The following DMD variants were observed in gnomAD, a reference collection of about 807,000 sequenced individuals.
DMD encodes dystrophin.
A neutral mutation model predicts 330.1 loss-of-function variants in DMD; 63 were observed. The ratio of observed to expected loss-of-function variants is 0.19; its 90% CI spans 0.16 to 0.24. The LOEUF (loss-of-function observed/expected upper bound fraction) is 0.24. Ranked by LOEUF, DMD falls within the 10% of genes least tolerant of loss-of-function variation. The pLI, the probability that DMD is intolerant of heterozygous loss-of-function variation, is 1.00. For missense variants in DMD, 3,344 were observed against 2,684.1 expected (o/e 1.25, Z -5.43); for synonymous variants, 1,223 against 959.8 (o/e 1.27, Z -5.07).
At chrX:31,687,936 G>A (rs957834496) in intron 52 of DMD, among the ~76,000 whole-genome samples, 3 of 110,886 alleles carry the variant, frequency 2.7e-5, no homozygotes, top group Non-Finnish European at 5.7e-5. Flanking sequence ...CTCTGTTTCT[G>A]AAGTTCTCTG....
intron 44 of DMD, among the ~76,000 whole-genome samples, chrX:31,989,179 C>T (rs1026107760): frequency 3.6e-5 from 4 of 111,648 alleles, no homozygotes; most frequent in African/African-American, 1.3e-4. Flanking sequence ...ATCGGCTTTG[C>T]TCCCTCTACT....
At chrX:32,024,920 G>A (rs2095836379) in intron 44 of DMD, among the ~76,000 whole-genome samples, 1 of 111,785 alleles carries the variant, frequency 8.9e-6, no homozygotes, top group South Asian at 3.7e-4. Context: ...AAGAACAGTT[G>A]CTTTCAAATA....
At chrX:32,324,172 T>A (rs1234445715) in intron 41 of DMD, among the ~76,000 whole-genome samples, 2 of 111,619 alleles carry the variant, frequency 1.8e-5, no homozygotes, top group Non-Finnish European at 3.8e-5. Context: ...ATATAAATGA[T>A]AAATACTTGA....
intron 2 of DMD, among the ~76,000 whole-genome samples, chrX:32,897,969 C>T (rs1358936664): frequency 8.9e-6 from 1 of 112,219 alleles, no homozygotes; most frequent in Non-Finnish European, 1.9e-5. Context: ...GTAGAATTAT[C>T]ATTTTATTTT....
At chrX:33,010,328 G>A (rs1459720824) in intron 2 of DMD, among the ~76,000 whole-genome samples, 1 of 104,347 alleles carries the variant, frequency 9.6e-6, no homozygotes, top group Non-Finnish European at 1.9e-5. Context: ...GTATAAATAT[G>A]TATATATGTA....
At chrX:32,433,400 G>A (rs1469810038) in intron 29 of DMD, among the ~76,000 whole-genome samples, 5 of 111,713 alleles carry the variant, frequency 4.5e-5, no homozygotes, top group South Asian at 3.7e-4. Context: ...TATATCGGCC[G>A]GATGCGGTGG....
In DMD at chrX:33,317,057, C is replaced by A. The variant is rs191210076; in HGVS notation, c.7+22202G>T. Reference sequence around the variant, plus strand: ...GAAATTTTAAGAATATCTAAAATTTCAAACGCCAAGTTCCTTCTAGCAATA... The same window carrying A: ...GAAATTTTAAGAATATCTAAAATTTAAAACGCCAAGTTCCTTCTAGCAATA... On this transcript the variant is annotated intron_variant, in intron 1 of 17. Coordinates refer to the DMD transcript ENST00000288447. Among the ~76,000 whole-genome samples, 916 of 110,135 alleles carry A rather than the reference C, an allele frequency of 8.3e-3. 7 individuals are homozygous for A. The highest frequency in any genetic ancestry group is 0.013 in the Non-Finnish European group (679 of 52,661).
chrX:33,146,061 T>A (rs115039635), intron 1 of DMD, among the ~76,000 whole-genome samples: 7,679 of 109,287 alleles, frequency 0.07, 295 homozygotes, highest in South Asian at 0.19. Context: ...TCATTTTTTT[T>A]AAATATATAT....
intron 50 of DMD, among the ~76,000 whole-genome samples, chrX:31,803,969 GA>G (rs1267224646): frequency 2.7e-5 from 3 of 110,948 alleles, no homozygotes; most frequent in Non-Finnish European, 5.7e-5. Context: ...AAAGTGTTGG[GA>G]TTACAGGCGT....
rs181471478 is a variant in DMD, at chrX:32,503,639, T to G, written c.2293-1797A>C. On this transcript the variant is annotated intron_variant, in intron 18 of 78. Coordinates refer to ENST00000357033, the MANE Select transcript of DMD (RefSeq NM_004006.3). ...GGCATGATCTCAGCTCACTGCAACC[T>G]CTGCCTCCCGGGTTCAAGCAACTCT... 6.0e-3 allele frequency among the ~76,000 whole-genome samples: 665 copies of G among 111,201 alleles called. 7 individuals carry two copies. The highest frequency in any genetic ancestry group is 0.021 in the African/African-American group (642 of 30,562).
At chrX:33,313,847 T>C (rs2053886447) in intron 1 of DMD, among the ~76,000 whole-genome samples, 1 of 111,492 alleles carries the variant, frequency 9.0e-6, no homozygotes, top group African/African-American at 3.3e-5. Context: ...TTCATCAATA[T>C]AATCAAACAC....
At chrX:32,519,541 G>T (rs1443757422) in intron 17 of DMD, among the ~76,000 whole-genome samples, 3 of 110,971 alleles carry the variant, frequency 2.7e-5, no homozygotes, top group Non-Finnish European at 5.7e-5. Flanking sequence ...AAATAAACAG[G>T]GAAGAATAAT....
intron 31 of DMD, 119 bp from the exon 32 acceptor site, chrX:32,389,793 A>C: frequency 1.4e-6 from 1 of 726,056 alleles, no homozygotes; most frequent in Non-Finnish European, 2.1e-6. Context: ...TAAAAACAAA[A>C]TAAAGCAGTA....
Position 33,310,227 on chromosome X carries a change from G to A in DMD, c.7+29032C>T, listed in dbSNP as rs1041862489. Reference sequence around the variant, plus strand: ...AGAAATAATTTATTCTGTATAAACCGTACTTAAAAATGCATGGAGCCTATT... The same window carrying A: ...AGAAATAATTTATTCTGTATAAACCATACTTAAAAATGCATGGAGCCTATT... On this transcript the variant is annotated intron_variant, in intron 1 of 17. Transcript: ENST00000288447. Among the ~76,000 whole-genome samples the A allele has an allele frequency of 3.6e-5, 4 of 111,093 alleles. No individual in the cohort carries two copies. The Admixed American group carries it at 3.8e-4, about 11-fold the overall frequency.
chrX:32,923,676 A>T (rs1197200040), intron 2 of DMD, among the ~76,000 whole-genome samples: 1 of 112,262 alleles, frequency 8.9e-6, no homozygotes, highest in Non-Finnish European at 1.9e-5. Context: ...ACATAAAAAA[A>T]TGAAAAACTT....
At chrX:31,978,653 C>A (rs2095454478) in intron 44 of DMD, among the ~76,000 whole-genome samples, 1 of 111,759 alleles carries the variant, frequency 8.9e-6, no homozygotes, top group Admixed American at 9.5e-5. Context: ...CTTTCCAATT[C>A]TTCATCCATG....
intron 2 of DMD, among the ~76,000 whole-genome samples, chrX:32,868,721 G>T (rs2082714316): frequency 8.9e-6 from 1 of 112,372 alleles, no homozygotes. Context: ...AGTAACTCCA[G>T]CCAGGGGTTT....
intron 4 of DMD, among the ~76,000 whole-genome samples, chrX:32,828,133 C>T (rs990655128): frequency 9.0e-6 from 1 of 111,545 alleles, no homozygotes; most frequent in African/African-American, 3.3e-5. Context: ...TGTTGATGGA[C>T]ATTTATGTTG....
At chrX:31,163,631 T>G (rs1230308390) in intron 74 of DMD, among the ~76,000 whole-genome samples, 1 of 111,533 alleles carries the variant, frequency 9.0e-6, no homozygotes, top group East Asian at 2.8e-4. Context: ...TTATGCTTCT[T>G]TCCTCCCTTC....
Sources: allele counts gnomAD v4.1 joint callset (sites outside exome capture counted in the v4.1 genomes callset), GRCh38; gene constraint gnomAD v4.1.1; transcripts MANE v1.5; gene names NCBI Gene and HGNC (gene_info 2026-07-23, HGNC 2026-07-21).